The following PPP1R13B variants were observed in gnomAD, a reference collection of about 807,000 sequenced individuals.
PPP1R13B encodes protein phosphatase 1 regulatory subunit 13B.
A neutral mutation model predicts 119.8 loss-of-function variants in PPP1R13B; 44 were observed. That is an observed-to-expected ratio of 0.37 (90% CI 0.29 to 0.47). PPP1R13B has a LOEUF of 0.47. PPP1R13B is among the 20% of genes least tolerant of loss of function. The pLI is 0.99. For synonymous variants in PPP1R13B, 542 were observed against 561.5 expected, an observed-to-expected ratio of 0.97 and a Z score of 0.49; for missense variants, 1,227 against 1,413.5, an observed-to-expected ratio of 0.87 and a Z score of 2.12.
At chr14:103,756,643 C>T (rs1441090879) in intron 5 of PPP1R13B, among the ~76,000 whole-genome samples, 1 of 152,200 alleles carries the variant, frequency 6.6e-6, no homozygotes, top group African/African-American at 2.4e-5. Flanking sequence ...TGGCCCTGAT[C>T]AGTGTTTTCA....
At position 103,742,407 on chromosome 14, in the gene PPP1R13B, GA is replaced by G; in HGVS notation, c.1321-117del. 1 of 1,405,492 alleles carries G rather than the reference GA, an allele frequency of 7.1e-7. No homozygotes were observed. The highest frequency in any genetic ancestry group is 9.5e-7 in the Non-Finnish European group (1 of 1,052,796). 87.1% of individuals were successfully genotyped at this position (1,405,492 alleles called of 1,614,324 possible). ...ATTTGTAATCCGTCAAATTGGCTGT[GA>G]CCAGGACTTGGGGCACACTGTTGAG... On this transcript the variant is annotated intron_variant, in intron 10 of 16. Transcript: ENST00000202556. This position sits in a 1 kb window ranked among gnomAD's most constrained non-coding sequence, Gnocchi z 4.9.
intron 4 of PPP1R13B, among the ~76,000 whole-genome samples, chr14:103,762,144 A>T (rs904146449): frequency 6.6e-6 from 1 of 152,196 alleles, no homozygotes; most frequent in Non-Finnish European, 1.5e-5. Flanking sequence ...ATCTCCCCAA[A>T]CAGCATCATC....
Position 103,737,768 on chromosome 14 carries a change from C to G in PPP1R13B, c.2957G>C (p.Ser986Thr). 1 of 1,614,220 alleles carries G rather than the reference C, an allele frequency of 6.2e-7. No homozygotes were observed. Residue 986 changes from serine (S) to threonine (T), a missense_variant, in exon 15 of 17, where the codon AGC becomes ACC. Coordinates refer to ENST00000202556, the MANE Select transcript of PPP1R13B (RefSeq NM_015316.3). ...SGAAIFASTI[S>T]DIETAADKCE... ...CTTGTCTGCAGCAGTTTCAATGTCG[C>G]TTATGGTTGAGGCAAAAATGGCGGC...
At chr14:103,796,116 A>G (rs1359821517) in intron 2 of PPP1R13B, among the ~76,000 whole-genome samples, 1 of 151,732 alleles carries the variant, frequency 6.6e-6, no homozygotes, top group Non-Finnish European at 1.5e-5. Flanking sequence ...ACATGGCAAA[A>G]CCCTGTTTCT....
At chr14:103,838,083 C>T (rs951994547) in intron 1 of PPP1R13B, among the ~76,000 whole-genome samples, 1 of 152,148 alleles carries the variant, frequency 6.6e-6, no homozygotes, top group Non-Finnish European at 1.5e-5. Flanking sequence ...CACACCACTG[C>T]ACTCCAGCCT....
At chr14:103,764,825 T>TG (rs2084900318) in intron 4 of PPP1R13B, among the ~76,000 whole-genome samples, 1 of 152,288 alleles carries the variant, frequency 6.6e-6, no homozygotes, top group South Asian at 2.1e-4. Flanking sequence ...GCTGTTTTTT[T>TG]TTGTTGTTGT....
At position 103,735,913 on chromosome 14, in the gene PPP1R13B, C is replaced by T. The variant is rs2084096731; in HGVS notation, c.3231+90G>A. On this transcript the variant is annotated intron_variant, in intron 16 of 16. Transcript: ENST00000202556. ...GCTGCTGAGGCTCAGAGAAGCGAAG[C>T]CTCCCTCCCCAGCCCCACAGCAGGA... 12 of 1,419,360 alleles carry T rather than the reference C, an allele frequency of 8.5e-6. No homozygotes were observed. In the South Asian group the frequency reaches 1.2e-4, roughly 14 times the overall value. The allele number at this position is 1,419,360 out of a possible 1,614,324, so 87.9% of individuals were successfully genotyped here.
intron 3 of PPP1R13B, among the ~76,000 whole-genome samples, chr14:103,780,970 C>T (rs1226688378): frequency 6.6e-6 from 1 of 152,010 alleles, no homozygotes; most frequent in Non-Finnish European, 1.5e-5. Context: ...TAGAGTGTTA[C>T]AGGTGGGGAA....
At chr14:103,824,847 C>T (rs2086499870) in intron 1 of PPP1R13B, among the ~76,000 whole-genome samples, 1 of 152,214 alleles carries the variant, frequency 6.6e-6, no homozygotes, top group South Asian at 2.1e-4. Flanking sequence ...ACATCTTTCA[C>T]AATGCCCTGG....
At chr14:103,836,597 C>T (rs892205574) in intron 1 of PPP1R13B, among the ~76,000 whole-genome samples, 6 of 151,608 alleles carry the variant, frequency 4.0e-5, no homozygotes, top group African/African-American at 1.2e-4. Context: ...GGCGAAACCC[C>T]ATCTCTACTA....
chr14:103,770,829 G>A (rs2085050098), intron 4 of PPP1R13B, among the ~76,000 whole-genome samples: 1 of 152,088 alleles, frequency 6.6e-6, no homozygotes, highest in Non-Finnish European at 1.5e-5. Context: ...GAAACTACAG[G>A]GACCAAAAAT....
At chr14:103,736,497 C>T (rs1287260748) in intron 15 of PPP1R13B, 10 of 480,164 alleles carry the variant, frequency 2.1e-5, no homozygotes, top group Non-Finnish European at 3.8e-5. Flanking sequence ...TGACGCTTAG[C>T]AATCACAGCC....
chr14:103,762,344 G>A (rs2084826555), intron 4 of PPP1R13B, among the ~76,000 whole-genome samples: 1 of 150,608 alleles, frequency 6.6e-6, no homozygotes, highest in Admixed American at 6.7e-5. Context: ...TGGCAAATGG[G>A]TCACTTCAGA....
chr14:103,738,532 G>A lies in PPP1R13B; in HGVS notation c.2864+147C>T. 1.6e-6 allele frequency: 2 copies of A among 1,274,112 alleles called. No homozygotes were observed. The highest frequency in any genetic ancestry group is 2.1e-6 in the Non-Finnish European group (2 of 931,696). 78.9% of individuals were successfully genotyped at this position (1,274,112 alleles called of 1,614,324 possible). Reference sequence around the variant, plus strand: ...TGGAAAAAAAGGCAAGGAAACCCTGGCAACAGCTGTCTTTCAAGGATGAAA... The same window carrying A: ...TGGAAAAAAAGGCAAGGAAACCCTGACAACAGCTGTCTTTCAAGGATGAAA... On this transcript the variant is annotated intron_variant, in intron 14 of 16. Transcript: ENST00000202556. This position sits in a 1 kb window ranked among gnomAD's most constrained non-coding sequence, Gnocchi z 5.6.
chr14:103,759,993 A>C (rs1185430690), intron 4 of PPP1R13B, among the ~76,000 whole-genome samples: 3 of 152,206 alleles, frequency 2.0e-5, no homozygotes, highest in Admixed American at 2.0e-4. Context: ...AATTTTATGG[A>C]AGATCTTACA....
intron 1 of PPP1R13B, among the ~76,000 whole-genome samples, chr14:103,838,068 G>A (rs112283572): frequency 0.08 from 12,150 of 151,752 alleles, 673 homozygotes; most frequent in Non-Finnish European, 0.12. Flanking sequence ...GCAGTGAGCC[G>A]AGATCACACC....
chr14:103,735,805 G>A (rs781667164), intron 16 of PPP1R13B, among the ~76,000 whole-genome samples, 198 bp downstream of exon 16: 1 of 152,182 alleles, frequency 6.6e-6, no homozygotes, highest in African/African-American at 2.4e-5. Context: ...CATGGCATAA[G>A]CATGGCTGGG....
rs201516418 is a variant in PPP1R13B at position 103,757,934 on chromosome 14, CTG to C, written c.355-185_355-184del. ...GACTGCTTTTATGAAATATAAATAA[CTG>C]TTTTTCTAATGCATAAACATCAGAT... On this transcript the variant is annotated intron_variant, in intron 4 of 16. Transcript: ENST00000202556. Among the ~76,000 whole-genome samples, 137 of 152,274 alleles carry C rather than the reference CTG, an allele frequency of 9.0e-4. 3 individuals are homozygous for C. The East Asian group carries it at 0.02, about 23-fold the overall frequency.
At chr14:103,834,701 C>T (rs1190987615) in intron 1 of PPP1R13B, among the ~76,000 whole-genome samples, 1 of 150,664 alleles carries the variant, frequency 6.6e-6, no homozygotes, top group Non-Finnish European at 1.5e-5. Context: ...AGTGATTCTC[C>T]TCCCTCAGCC....
Sources: gnomAD v4.1 joint callset for allele counts (sites outside exome capture counted in the v4.1 genomes callset) on GRCh38, gnomAD v4.1.1 for gene constraint, Gnocchi (gnomAD v3.1) non-coding constraint, MANE v1.5 for transcripts, NCBI Gene and HGNC (gene_info 2026-07-23, HGNC 2026-07-21) for gene names.